Variants in CRISPLD2 observed in about 807,000 individuals in gnomAD.
CRISPLD2 encodes the protein cysteine rich secretory protein LCCL domain containing 2, also known as cysteine-rich secretory protein LCCL domain-containing 2.
Under a neutral mutation model 71.1 loss-of-function variants are expected in CRISPLD2, and 47 were observed. The observed-to-expected ratio is 0.66, with a 90% CI of 0.52 to 0.84. The LOEUF (loss-of-function observed/expected upper bound fraction) is 0.84, where lower values mean the gene tolerates loss of function less well. Ranked by LOEUF, CRISPLD2 falls within the 40% of genes least tolerant of loss-of-function variation. The probability of loss-of-function intolerance (pLI) is 0.00; values close to 1 mark genes in which losing one functional copy is unlikely to be tolerated. For missense variants in CRISPLD2, 830 were observed against 651.1 expected (o/e 1.27, Z -2.99); for synonymous variants, 317 against 250.1 (o/e 1.27, Z -2.52).
At chr16:84,902,483 A>G (rs1278090863) in intron 14 of CRISPLD2, among the ~76,000 whole-genome samples, 1 of 151,620 alleles carries the variant, frequency 6.6e-6, no homozygotes, top group Non-Finnish European at 1.5e-5. Flanking sequence ...GGTGTTGGAC[A>G]CTTGTAGTCC....
intron 3 of CRISPLD2, among the ~76,000 whole-genome samples, chr16:84,847,335 T>C (rs1215773587): frequency 6.6e-6 from 1 of 152,184 alleles, no homozygotes; most frequent in Admixed American, 6.5e-5. Flanking sequence ...GTTTTTTCTT[T>C]GGTGAAGTTA....
chr16:84,829,999 C>T (rs1333175999), intron 1 of CRISPLD2, among the ~76,000 whole-genome samples: 1 of 152,216 alleles, frequency 6.6e-6, no homozygotes, highest in African/African-American at 2.4e-5. Flanking sequence ...CCAGCTTGGA[C>T]TGGCTCATAC....
chr16:84,862,558 T>C (rs1917413288), intron 6 of CRISPLD2, among the ~76,000 whole-genome samples: 1 of 152,128 alleles, frequency 6.6e-6, no homozygotes, highest in Non-Finnish European at 1.5e-5. Flanking sequence ...AACACAGGTT[T>C]CTGGTGCCTA....
intron 13 of CRISPLD2, among the ~76,000 whole-genome samples, chr16:84,880,934 A>G (rs556931443): frequency 6.6e-6 from 1 of 151,940 alleles, no homozygotes; most frequent in Non-Finnish European, 1.5e-5. Flanking sequence ...CGAACTCCCA[A>G]CCTCAGATGA....
intron 4 of CRISPLD2, 48 bp from the exon 5 acceptor site, chr16:84,850,520 T>G: frequency 6.6e-7 from 1 of 1,526,370 alleles, no homozygotes; most frequent in Non-Finnish European, 9.1e-7. Context: ...ATATCACCCT[T>G]TTGTGCCTTA....
At chr16:84,833,390 A>G (rs1405876603) in intron 1 of CRISPLD2, among the ~76,000 whole-genome samples, 1 of 152,142 alleles carries the variant, frequency 6.6e-6, no homozygotes, top group African/African-American at 2.4e-5. Flanking sequence ...AGAGAACAAA[A>G]TCTTCTAGAG....
intron 2 of CRISPLD2, among the ~76,000 whole-genome samples, chr16:84,845,051 T>C (rs890975637): frequency 6.6e-6 from 1 of 152,204 alleles, no homozygotes; most frequent in East Asian, 1.9e-4. Context: ...GGCCTAGGAA[T>C]AGCATCTGAT....
rs750379944 is a variant in CRISPLD2, at chr16:84,906,602, G to A, written c.1454G>A (p.Arg485Gln). ...GVQSESLGTP[R>Q]DGKAFRIFAV... ...CTTTTTTTCAGCCTGGGGACTCCTCGGGATGGAAAGGCCTTCCGGATCTTT... is the reference window on the plus strand; with the variant it reads ...CTTTTTTTCAGCCTGGGGACTCCTCAGGATGGAAAGGCCTTCCGGATCTTT... Residue 485 changes from arginine (R) to glutamine (Q), a missense_variant, in exon 15 of 15, where the codon CGG becomes CAG. Coordinates refer to ENST00000262424, the MANE Select transcript of CRISPLD2 (RefSeq NM_031476.4). The A allele has an allele frequency of 4.5e-5, 72 of 1,613,276 alleles. No individual in the cohort carries two copies. Among genetic ancestry groups the A allele is most frequent in the East Asian group, 1.3e-4 (6 of 44,884 alleles).
chr16:84,901,412 C>T (rs528729029), intron 14 of CRISPLD2, among the ~76,000 whole-genome samples: 27 of 150,412 alleles, frequency 1.8e-4, no homozygotes, highest in African/African-American at 6.6e-4. Flanking sequence ...AAATGTGCGG[C>T]TATGATTAGT....
At chr16:84,823,158 G>C (rs985135025) in intron 1 of CRISPLD2, among the ~76,000 whole-genome samples, 1 of 152,148 alleles carries the variant, frequency 6.6e-6, no homozygotes, top group Admixed American at 6.5e-5. Flanking sequence ...ATGTTTTCAA[G>C]GTTCATCCAT....
intron 14 of CRISPLD2, among the ~76,000 whole-genome samples, chr16:84,896,863 G>A (rs1438818047): frequency 1.3e-5 from 2 of 152,074 alleles, no homozygotes; most frequent in South Asian, 2.1e-4. Flanking sequence ...AAGCACTCAG[G>A]GGTTCCTCTT....
intron 6 of CRISPLD2, among the ~76,000 whole-genome samples, chr16:84,862,283 G>A (rs1430965937): frequency 6.6e-6 from 1 of 152,020 alleles, no homozygotes; most frequent in East Asian, 1.9e-4. Context: ...GCTCACTGCA[G>A]CCTCAACCTC....
chr16:84,868,389 CG>C (rs1917599904), intron 7 of CRISPLD2, among the ~76,000 whole-genome samples: 3 of 152,164 alleles, frequency 2.0e-5, no homozygotes, highest in African/African-American at 7.2e-5. Context: ...GGCATCTTGG[CG>C]ATGGGGGAGA....
At position 84,838,917 on chromosome 16, in the gene CRISPLD2, C is replaced by G. The variant is rs565828378; in HGVS notation, c.240+182C>G. ...TTGTTTGTTTGTTTTGAGACAGGGT[C>G]TCACTCTGCCACTGACGCTGGAGTG... On this transcript the variant is annotated intron_variant, in intron 2 of 14. Transcript: ENST00000262424. 36 of 829,092 alleles carry G rather than the reference C, an allele frequency of 4.3e-5. No homozygotes were observed. The South Asian group carries it at 5.1e-4, about 12-fold the overall frequency. 51.4% of individuals were successfully genotyped at this position (829,092 alleles called of 1,614,324 possible). A position where few individuals can be genotyped will look rare whatever the true frequency, so the allele number is the denominator to read the frequency against.
At chr16:84,825,796 T>C (rs1247617685) in intron 1 of CRISPLD2, among the ~76,000 whole-genome samples, 3 of 150,852 alleles carry the variant, frequency 2.0e-5, no homozygotes, top group African/African-American at 4.9e-5. Context: ...CATAAATACA[T>C]AAAATAAAAG....
At chr16:84,832,912 C>G (rs1050798211) in intron 1 of CRISPLD2, among the ~76,000 whole-genome samples, 9 of 152,210 alleles carry the variant, frequency 5.9e-5, no homozygotes, top group African/African-American at 2.2e-4. Context: ...AGACCCCTCG[C>G]TAAACTTGGA....
intron 1 of CRISPLD2, among the ~76,000 whole-genome samples, chr16:84,835,505 G>C (rs1222077727): frequency 6.6e-6 from 1 of 151,958 alleles, no homozygotes; most frequent in African/African-American, 2.4e-5. Context: ...CCCACCCCCA[G>C]GCCCTCTGGG....
intron 1 of CRISPLD2, among the ~76,000 whole-genome samples, chr16:84,831,781 C>T (rs760396449): frequency 1.3e-5 from 2 of 152,300 alleles, no homozygotes; most frequent in East Asian, 3.9e-4. Context: ...GTCACCCAGG[C>T]GGGAGTGCAG....
chr16:84,887,660 T>C (rs2071624901), intron 13 of CRISPLD2, among the ~76,000 whole-genome samples: 1 of 152,104 alleles, frequency 6.6e-6, no homozygotes, highest in South Asian at 2.1e-4. Flanking sequence ...GTGGATCACC[T>C]GAGGTCAGGA....
Sources: gnomAD v4.1 joint callset for allele counts (sites outside exome capture counted in the v4.1 genomes callset) on GRCh38, gnomAD v4.1.1 for gene constraint, MANE v1.5 for transcripts, NCBI Gene and HGNC (gene_info 2026-07-23, HGNC 2026-07-21) for gene names.